Variants in PTPN4 observed in about 807,000 individuals in gnomAD.
PTPN4 encodes tyrosine-protein phosphatase non-receptor type 4.
PTPN4 carries 49 observed loss-of-function variants against 135.5 expected under a neutral mutation model. The observed-to-expected ratio is 0.36, with a 90% CI of 0.29 to 0.46. The LOEUF is 0.46. Among genes scored for constraint, PTPN4 ranks in the 20% least tolerant of loss-of-function variants. PTPN4 has a pLI of 1.00. For synonymous variants in PTPN4, 333 were observed against 369.9 expected (o/e 0.90, Z 1.14); for missense variants, 860 against 1,101.0 (o/e 0.78, Z 3.10).
chr2:119,813,594 C>T (rs1020464924), intron 2 of PTPN4, among the ~76,000 whole-genome samples: 23 of 152,098 alleles, frequency 1.5e-4, no homozygotes, highest in South Asian at 4.1e-4. Flanking sequence ...GAGAGCCACA[C>T]TGTAGCTATA....
intron 12 of PTPN4, among the ~76,000 whole-genome samples, chr2:119,921,505 A>G (rs1678736343): frequency 6.6e-6 from 1 of 152,220 alleles, no homozygotes; most frequent in South Asian, 2.1e-4. Flanking sequence ...CACCCCAGAA[A>G]AATTAGTAAA....
intron 2 of PTPN4, 91 bp downstream of exon 2, chr2:119,810,082 A>G (rs901104657): frequency 2.2e-6 from 3 of 1,376,884 alleles, no homozygotes; most frequent in African/African-American, 1.5e-5. Flanking sequence ...ATTATAGTAC[A>G]GTTTGAAAAG....
intron 18 of PTPN4, among the ~76,000 whole-genome samples, chr2:119,947,546 A>G (rs553235527): frequency 6.6e-6 from 1 of 152,294 alleles, no homozygotes; most frequent in South Asian, 2.1e-4. Context: ...ACTAAAGAGC[A>G]TGAATGCAAT....
chr2:119,948,995 G>T (rs531017017), intron 18 of PTPN4, among the ~76,000 whole-genome samples: 55 of 152,146 alleles, frequency 3.6e-4, no homozygotes, highest in Non-Finnish European at 6.5e-4. Flanking sequence ...CATGACAGTT[G>T]TAATAGTCAA....
intron 9 of PTPN4, among the ~76,000 whole-genome samples, chr2:119,896,742 A>G (rs1044858272): frequency 2.3e-4 from 35 of 152,322 alleles, no homozygotes; most frequent in African/African-American, 7.7e-4. Flanking sequence ...GTTCATATAG[A>G]AAACACATGG....
At chr2:119,813,240 GTTTC>G (rs937833795) in intron 2 of PTPN4, among the ~76,000 whole-genome samples, 5 of 151,470 alleles carry the variant, frequency 3.3e-5, no homozygotes, top group East Asian at 1.9e-4. Context: ...ACAGTGGCTG[GTTTC>G]TTTCTTTCTT....
intron 2 of PTPN4, among the ~76,000 whole-genome samples, chr2:119,814,116 G>T (rs966538706): frequency 6.6e-6 from 1 of 152,022 alleles, no homozygotes; most frequent in African/African-American, 2.4e-5. Flanking sequence ...TGTAATTGGC[G>T]TATTCATTTA....
Position 119,760,024 on chromosome 2 carries a change from T to A in PTPN4, c.-378T>A. The A allele has an allele frequency of 2.6e-6, 1 of 382,126 alleles. No homozygotes were observed. The highest frequency in any genetic ancestry group is 4.6e-6 in the Non-Finnish European group (1 of 215,864). The allele number at this position is 382,126 out of a possible 1,614,324, so 23.7% of individuals were successfully genotyped here. A position where few individuals can be genotyped will look rare whatever the true frequency, so the allele number is the denominator to read the frequency against. ...ACTCCTGGGTCCCAGGGGCCGGAATTGGGCCTGAGCGGGAGAGGAAAGAGA... is the reference window on the plus strand; with the variant it reads ...ACTCCTGGGTCCCAGGGGCCGGAATAGGGCCTGAGCGGGAGAGGAAAGAGA... On this transcript the variant is annotated 5_prime_UTR_variant, in exon 1 of 27. Transcript: ENST00000263708.
intron 11 of PTPN4, among the ~76,000 whole-genome samples, chr2:119,917,781 C>G (rs1245992586): frequency 6.6e-6 from 1 of 152,078 alleles, no homozygotes; most frequent in African/African-American, 2.4e-5. Context: ...GCATACTCTG[C>G]AAAAGGTGGC....
Position 119,977,348 on chromosome 2 carries a change from C to T in PTPN4, c.*278C>T. ...AATTTATGAAATTTTGTGGTGGTGCCATGCAATCCCCTTTTGGTAGAATTG... is the reference window on the plus strand; with the variant it reads ...AATTTATGAAATTTTGTGGTGGTGCTATGCAATCCCCTTTTGGTAGAATTG... On this transcript the variant is annotated 3_prime_UTR_variant, in exon 27 of 27. Transcript: ENST00000263708. 3.4e-6 allele frequency: 1 copy of T among 297,202 alleles called. No homozygotes were observed. The highest frequency in any genetic ancestry group is 1.0e-4 in the East Asian group (1 of 9,638). 18.4% of individuals were successfully genotyped at this position (297,202 alleles called of 1,614,324 possible). A position where few individuals can be genotyped will look rare whatever the true frequency, so the allele number is the denominator to read the frequency against.
At chr2:119,837,808 T>C (rs543342420) in intron 2 of PTPN4, among the ~76,000 whole-genome samples, 4 of 152,250 alleles carry the variant, frequency 2.6e-5, no homozygotes, top group African/African-American at 4.8e-5. Flanking sequence ...TCCCCTCATC[T>C]AGATTCAGGT....
At chr2:119,964,355 G>A (rs902338102) in intron 24 of PTPN4, among the ~76,000 whole-genome samples, 6 of 152,112 alleles carry the variant, frequency 3.9e-5, no homozygotes, top group African/African-American at 7.2e-5. Flanking sequence ...GTATCTAAAC[G>A]CAATACTCTT....
chr2:119,925,403 A>G (rs1678809750), intron 12 of PTPN4, among the ~76,000 whole-genome samples: 1 of 152,366 alleles, frequency 6.6e-6, no homozygotes. Context: ...GTGTATATTT[A>G]TAGTTTTAAA....
intron 13 of PTPN4, among the ~76,000 whole-genome samples, chr2:119,931,433 C>CTTTTTTTTTTTT (rs1158907026): frequency 2.3e-3 from 190 of 83,322 alleles, no homozygotes; most frequent in Non-Finnish European, 2.9e-3. Flanking sequence ...TTCTTTCTTT[C>CTTTTTTTTTTTT]TTTTTTTTTT....
At chr2:119,962,830 G>T in intron 24 of PTPN4, 86 bp downstream of exon 24, 1 of 1,147,402 alleles carries the variant, frequency 8.7e-7, no homozygotes, top group Non-Finnish European at 1.2e-6. Flanking sequence ...TTGAGTATTG[G>T]TTGCTAGGAA....
intron 1 of PTPN4, among the ~76,000 whole-genome samples, chr2:119,766,652 G>T (rs183365347): frequency 9.9e-5 from 15 of 152,274 alleles, no homozygotes; most frequent in African/African-American, 3.6e-4. Flanking sequence ...GTTTTGAAAG[G>T]TAACTCCTGA....
chr2:119,963,460 A>G (rs540089985), intron 24 of PTPN4, among the ~76,000 whole-genome samples: 27 of 152,330 alleles, frequency 1.8e-4, no homozygotes, highest in African/African-American at 6.3e-4. Flanking sequence ...GACTAAAAGA[A>G]TAACTGCTAG....
In PTPN4 at chr2:119,967,374, A is replaced by G. The variant is rs543846925; in HGVS notation, c.2559-463A>G. On this transcript the variant is annotated intron_variant, in intron 25 of 26. Transcript: ENST00000263708. ...TGAGGCAGGAGAATCGCTTGAGCCC[A>G]GGAAGTAGAGGTTGCAGTGAGCCGA... Among the ~76,000 whole-genome samples, 9 of 152,116 alleles carry G rather than the reference A, an allele frequency of 5.9e-5. No individual in the cohort carries two copies. The South Asian group carries it at 1.5e-3, about 25-fold the overall frequency.
At chr2:119,931,433 C>CTTTTTTTT (rs1158907026) in intron 13 of PTPN4, among the ~76,000 whole-genome samples, 1,143 of 83,244 alleles carry the variant, frequency 0.014, 2 homozygotes, top group Non-Finnish European at 0.018. Flanking sequence ...TTCTTTCTTT[C>CTTTTTTTT]TTTTTTTTTT....
Sources: allele counts gnomAD v4.1 joint callset (sites outside exome capture counted in the v4.1 genomes callset), GRCh38; gene constraint gnomAD v4.1.1; transcripts MANE v1.5; gene names NCBI Gene and HGNC (gene_info 2026-07-23, HGNC 2026-07-21).